ZNF804B: variants seen among roughly 807,000 people sequenced by gnomAD.
The protein encoded by ZNF804B is zinc finger 804B.
A neutral mutation model predicts 101.4 loss-of-function variants in ZNF804B; 80 were observed. The observed-to-expected ratio is 0.79, with a 90% CI of 0.66 to 0.95. The LOEUF is 0.95. Among genes scored for constraint, ZNF804B ranks in the 40% least tolerant of loss-of-function variants. The pLI is 0.00. For synonymous variants in ZNF804B, 622 were observed against 558.8 expected (o/e 1.11, Z -1.59); for missense variants, 1,673 against 1,561.9 (o/e 1.07, Z -1.20).
intron 2 of ZNF804B, among the ~76,000 whole-genome samples, chr7:89,227,530 T>C (rs1300531028): frequency 6.6e-6 from 1 of 152,078 alleles, no homozygotes; most frequent in East Asian, 1.9e-4. Flanking sequence ...AAAAAATATA[T>C]AGGATATCAG....
At chr7:89,197,785 G>C (rs376360983) in intron 1 of ZNF804B, among the ~76,000 whole-genome samples, 1 of 151,688 alleles carries the variant, frequency 6.6e-6, no homozygotes. Context: ...ATTTAGTTTC[G>C]TTATATAGAG....
At chr7:89,254,184 A>G (rs1789588832) in intron 2 of ZNF804B, among the ~76,000 whole-genome samples, 1 of 152,052 alleles carries the variant, frequency 6.6e-6, no homozygotes, top group Non-Finnish European at 1.5e-5. Flanking sequence ...ATAATCAGAA[A>G]GGAAGAAACA....
At chr7:88,983,278 T>C (rs945082416) in intron 1 of ZNF804B, among the ~76,000 whole-genome samples, 2 of 152,086 alleles carry the variant, frequency 1.3e-5, no homozygotes, top group African/African-American at 2.4e-5. Flanking sequence ...CCATTAAAAT[T>C]TGAGAAGTTT....
intron 2 of ZNF804B, among the ~76,000 whole-genome samples, chr7:89,320,789 A>G (rs184013135): frequency 6.6e-6 from 1 of 152,282 alleles, no homozygotes; most frequent in Admixed American, 6.5e-5. Flanking sequence ...AAGAAACTTT[A>G]CATACAAGAA....
intron 1 of ZNF804B, among the ~76,000 whole-genome samples, chr7:88,866,770 T>C (rs1215431710): frequency 6.6e-6 from 1 of 152,196 alleles, no homozygotes; most frequent in Admixed American, 6.5e-5. Flanking sequence ...CTACAAGGTT[T>C]AGGGTGATTT....
At chr7:88,818,553 T>G (rs1045893629) in intron 1 of ZNF804B, among the ~76,000 whole-genome samples, 2 of 152,134 alleles carry the variant, frequency 1.3e-5, no homozygotes, top group East Asian at 1.9e-4. Context: ...AAACAAATAT[T>G]TTGTATCATG....
intron 1 of ZNF804B, among the ~76,000 whole-genome samples, chr7:89,067,367 TCTC>T (rs1347518433): frequency 4.6e-5 from 7 of 152,144 alleles, no homozygotes; most frequent in Non-Finnish European, 8.8e-5. Flanking sequence ...TCCAGGATAA[TCTC>T]CTTCATTTAG....
At chr7:88,892,888 T>G (rs943856012) in intron 1 of ZNF804B, among the ~76,000 whole-genome samples, 1 of 152,186 alleles carries the variant, frequency 6.6e-6, no homozygotes, top group Non-Finnish European at 1.5e-5. Context: ...TTGTTAGTTA[T>G]AACTCTAAAC....
intron 1 of ZNF804B, among the ~76,000 whole-genome samples, chr7:88,981,223 T>G (rs968548563): frequency 2.6e-5 from 4 of 152,056 alleles, no homozygotes; most frequent in Admixed American, 2.6e-4. Context: ...AGATGATAAA[T>G]CCTGCCAGGA....
chr7:89,077,015 C>G (rs1199972716), intron 1 of ZNF804B, among the ~76,000 whole-genome samples: 1 of 151,908 alleles, frequency 6.6e-6, no homozygotes, highest in Non-Finnish European at 1.5e-5. Flanking sequence ...GTGACATAAT[C>G]TGCAGGGTCA....
intron 1 of ZNF804B, among the ~76,000 whole-genome samples, chr7:88,804,663 T>C (rs1790657550): frequency 6.6e-6 from 1 of 152,168 alleles, no homozygotes; most frequent in Non-Finnish European, 1.5e-5. Flanking sequence ...ATACAAATTT[T>C]ATTATGATTG....
At chr7:89,040,213 TTA>T (rs1162562467) in intron 1 of ZNF804B, among the ~76,000 whole-genome samples, 15 of 152,020 alleles carry the variant, frequency 9.9e-5, no homozygotes, top group Non-Finnish European at 2.2e-4. Context: ...TCTTATTTAT[TTA>T]TATCTCATAA....
intron 1 of ZNF804B, among the ~76,000 whole-genome samples, chr7:89,210,930 A>G (rs2115677691): frequency 6.6e-6 from 1 of 152,350 alleles, no homozygotes; most frequent in African/African-American, 2.4e-5. Flanking sequence ...ACTGTTTTCC[A>G]CAATGGTTGC....
chr7:88,877,512 G>T (rs1381967808), intron 1 of ZNF804B, among the ~76,000 whole-genome samples: 1 of 152,028 alleles, frequency 6.6e-6, no homozygotes, highest in Non-Finnish European at 1.5e-5. Context: ...GGATATTAAG[G>T]GAGTGTGAAC....
At chr7:88,854,471 C>CTTTCTTT (rs1791512410) in intron 1 of ZNF804B, among the ~76,000 whole-genome samples, 1 of 111,956 alleles carries the variant, frequency 8.9e-6, no homozygotes, top group Admixed American at 9.8e-5. Context: ...TTCTTTCTTT[C>CTTTCTTT]TTTCTCTTTC....
At chr7:89,061,654 C>A (rs1168627542) in intron 1 of ZNF804B, among the ~76,000 whole-genome samples, 1 of 152,032 alleles carries the variant, frequency 6.6e-6, no homozygotes, top group Non-Finnish European at 1.5e-5. Context: ...GAGTTACTCA[C>A]CTCTTTGTGC....
At chr7:89,184,716 G>A (rs1435342842) in intron 1 of ZNF804B, among the ~76,000 whole-genome samples, 1 of 151,866 alleles carries the variant, frequency 6.6e-6, no homozygotes, top group Non-Finnish European at 1.5e-5. Context: ...ATCATTTTTA[G>A]GAAGTGACTC....
intron 1 of ZNF804B, among the ~76,000 whole-genome samples, chr7:89,064,032 G>A (rs1471946642): frequency 6.6e-6 from 1 of 152,176 alleles, no homozygotes; most frequent in Non-Finnish European, 1.5e-5. Flanking sequence ...CGAGGAAGCA[G>A]ACTCTGAGAC....
At chr7:89,014,461 C>T (rs931447018) in intron 1 of ZNF804B, among the ~76,000 whole-genome samples, 5 of 152,018 alleles carry the variant, frequency 3.3e-5, no homozygotes, top group African/African-American at 9.7e-5. Context: ...AGACTACAGG[C>T]GCCCGCTGCG....
Sources: allele counts gnomAD v4.1 joint callset (sites outside exome capture counted in the v4.1 genomes callset), GRCh38; gene constraint gnomAD v4.1.1; transcripts MANE v1.5; gene names NCBI Gene and HGNC (gene_info 2026-07-23, HGNC 2026-07-21).